INTU: variants seen among roughly 807,000 people sequenced by gnomAD.
INTU encodes the protein inturned planar cell polarity protein.
Under a neutral mutation model 100.5 loss-of-function variants are expected in INTU, and 68 were observed. The ratio of observed to expected loss-of-function variants is 0.68; its 90% CI spans 0.56 to 0.83. INTU has a LOEUF of 0.83. Among genes scored for constraint, INTU ranks in the 40% least tolerant of loss-of-function variants. The pLI, the probability that INTU is intolerant of heterozygous loss-of-function variation, is 0.00. For missense variants in INTU, 1,071 were observed against 1,114.7 expected, an observed-to-expected ratio of 0.96 and a Z score of 0.56; for synonymous variants, 357 against 395.7, an observed-to-expected ratio of 0.90 and a Z score of 1.16.
chr4:127,652,422 T>C (rs62334028), intron 2 of INTU, among the ~76,000 whole-genome samples: 58,069 of 131,654 alleles, frequency 0.44, 13,129 homozygotes, highest in South Asian at 0.61. Context: ...TGAGAGTTTT[T>C]AGCATGAAGG....
intron 1 of INTU, among the ~76,000 whole-genome samples, chr4:127,638,258 A>G (rs558579180): frequency 6.6e-6 from 1 of 152,336 alleles, no homozygotes; most frequent in African/African-American, 2.4e-5. Flanking sequence ...GTCCTGTTAT[A>G]CCTATTAGCA....
intron 13 of INTU, among the ~76,000 whole-genome samples, chr4:127,709,826 T>G (rs1311588420): frequency 6.6e-6 from 1 of 152,146 alleles, no homozygotes; most frequent in East Asian, 1.9e-4. Context: ...GTTAGAAAAT[T>G]CTTTTTTTCT....
intron 7 of INTU, among the ~76,000 whole-genome samples, chr4:127,685,030 T>C (rs1729752463): frequency 6.6e-6 from 1 of 152,102 alleles, no homozygotes. Context: ...AAAATTTCTT[T>C]AGTAAAAAAT....
At chr4:127,635,247 A>T (rs1201915557) in intron 1 of INTU, among the ~76,000 whole-genome samples, 3 of 152,166 alleles carry the variant, frequency 2.0e-5, no homozygotes, top group African/African-American at 7.2e-5. Context: ...TAGGTTTGTT[A>T]GAGAATAAGA....
chr4:127,643,427 T>C (rs1344174159), intron 1 of INTU, 94 bp from the exon 2 acceptor site: 2 of 889,816 alleles, frequency 2.2e-6, no homozygotes, highest in African/African-American at 3.4e-5. Flanking sequence ...ATCTTCCTGC[T>C]CCCCAGCCCC....
chr4:127,699,277 T>G (rs893161976), intron 8 of INTU: 1 of 150,410 alleles, frequency 6.6e-6, no homozygotes, highest in African/African-American at 2.5e-5. Flanking sequence ...TCAGATTAAA[T>G]TTATTCTGTT....
intron 6 of INTU, among the ~76,000 whole-genome samples, chr4:127,677,828 A>C (rs1463177929): frequency 6.6e-6 from 1 of 152,180 alleles, no homozygotes. Context: ...ATTCAAACCA[A>C]AGGCAAAGAA....
chr4:127,671,577 A>G (rs946997022), intron 5 of INTU, among the ~76,000 whole-genome samples: 2 of 152,118 alleles, frequency 1.3e-5, no homozygotes, highest in Non-Finnish European at 2.9e-5. Flanking sequence ...AACTAAAAAT[A>G]GAACTACAAT....
chr4:127,687,711 G>A lies in INTU; in HGVS notation c.1293G>A (p.Leu431=), dbSNP rs1729889256. The stretch of plus-strand genomic sequence containing the variant: ...GCCAGATTGAGAATGTTCCTCGTTT[G>A]GATCATTTTTTTAACTTGTTCTTTC... ...AFCQIENVPR[L]DHFFNLFFQR... is the part of the protein sequence containing the mutation. Residue 431 remains leucine, a synonymous_variant, in exon 8 of 16, where the codon TTG becomes TTA. Coordinates refer to ENST00000335251, the MANE Select transcript of INTU (RefSeq NM_015693.4). 6.2e-7 allele frequency: 1 copy of A among 1,612,434 alleles called. No homozygotes were observed. Among genetic ancestry groups the A allele is most frequent in the South Asian group, 1.1e-5 (1 of 90,910 alleles).
intron 2 of INTU, among the ~76,000 whole-genome samples, chr4:127,655,291 G>T (rs1424054792): frequency 6.6e-6 from 1 of 152,212 alleles, no homozygotes; most frequent in Non-Finnish European, 1.5e-5. Flanking sequence ...TGGAGGAGGA[G>T]AGGTGCTCTG....
rs374706739 is a variant in INTU at position 127,706,483 on chromosome 4, A to G, written c.1789-4A>G. On this transcript the variant is annotated splice_polypyrimidine_tract_variant and splice_region_variant and intron_variant, in intron 11 of 15. Transcript: ENST00000335251. ...ACCTACATTTGTAATTTTTTTCCCT[A>G]TAGAAACATTATATGCTATGTGTAC... The G allele has an allele frequency of 6.3e-7, 1 of 1,589,382 alleles. No homozygotes were observed. Among genetic ancestry groups the G allele is most frequent in the Non-Finnish European group, 8.6e-7 (1 of 1,167,344 alleles).
chr4:127,670,195 C>T (rs1025290121), intron 5 of INTU, among the ~76,000 whole-genome samples: 3 of 151,296 alleles, frequency 2.0e-5, no homozygotes, highest in Non-Finnish European at 4.4e-5. Context: ...AATTTTTCTT[C>T]CTTATTATTT....
intron 1 of INTU, among the ~76,000 whole-genome samples, chr4:127,636,834 A>G (rs976817455): frequency 2.6e-5 from 4 of 152,160 alleles, no homozygotes; most frequent in Non-Finnish European, 5.9e-5. Flanking sequence ...TTAACATCCA[A>G]TTTAGGATAA....
intron 6 of INTU, among the ~76,000 whole-genome samples, chr4:127,676,249 G>T (rs1193363083): frequency 6.6e-6 from 1 of 151,956 alleles, no homozygotes; most frequent in East Asian, 1.9e-4. Context: ...CTCAGAGACT[G>T]TCCTTTGGGT....
intron 9 of INTU, among the ~76,000 whole-genome samples, chr4:127,702,887 T>G (rs1172877960): frequency 1.3e-5 from 2 of 152,136 alleles, no homozygotes; most frequent in African/African-American, 4.8e-5. Context: ...TGAATCATCC[T>G]GCTCAGCCTG....
At chr4:127,661,768 C>T (rs1443990443) in intron 3 of INTU, among the ~76,000 whole-genome samples, 2 of 152,088 alleles carry the variant, frequency 1.3e-5, no homozygotes, top group Non-Finnish European at 2.9e-5. Context: ...CTCCTAAATC[C>T]TCATTCTCAG....
chr4:127,634,386 T>G (rs1726976510), intron 1 of INTU, among the ~76,000 whole-genome samples: 2 of 152,270 alleles, frequency 1.3e-5, no homozygotes, highest in Admixed American at 1.3e-4. Flanking sequence ...GTCGCATACT[T>G]TTAGCCCAGA....
intron 6 of INTU, among the ~76,000 whole-genome samples, chr4:127,679,380 G>C (rs1233168013): frequency 6.6e-6 from 1 of 151,950 alleles, no homozygotes; most frequent in African/African-American, 2.4e-5. Flanking sequence ...AAATGTAAAA[G>C]AACAGAAATT....
chr4:127,655,567 G>C (rs1261125102), intron 2 of INTU, among the ~76,000 whole-genome samples: 1 of 151,618 alleles, frequency 6.6e-6, no homozygotes, highest in African/African-American at 2.4e-5. Context: ...ACTTGAGGAG[G>C]CAGTCTGCCC....
Sources: gnomAD v4.1 joint callset for allele counts (sites outside exome capture counted in the v4.1 genomes callset) on GRCh38, gnomAD v4.1.1 for gene constraint, MANE v1.5 for transcripts, NCBI Gene and HGNC (gene_info 2026-07-23, HGNC 2026-07-21) for gene names.